Variants in GIT2 observed in about 807,000 individuals in gnomAD.
GIT2 encodes the protein GIT ArfGAP 2.
GIT2 carries 32 observed loss-of-function variants against 100.3 expected under a neutral mutation model. The ratio of observed to expected loss-of-function variants is 0.32; its 90% CI spans 0.24 to 0.43. The LOEUF is 0.43. Among genes scored for constraint, GIT2 ranks in the 20% least tolerant of loss-of-function variants. The pLI is 1.00. For missense variants in GIT2, 737 were observed against 975.1 expected, an observed-to-expected ratio of 0.76 and a Z score of 3.25; for synonymous variants, 353 against 364.1, an observed-to-expected ratio of 0.97 and a Z score of 0.35.
At chr12:109,978,850 C>T (rs1461759034) in intron 7 of GIT2, among the ~76,000 whole-genome samples, 1 of 152,212 alleles carries the variant, frequency 6.6e-6, no homozygotes, top group East Asian at 1.9e-4. Flanking sequence ...GGGTTGGCAT[C>T]TGTTGGCTGC....
At chr12:109,949,690 A>G (rs1357355519) in intron 14 of GIT2, among the ~76,000 whole-genome samples, 1 of 152,238 alleles carries the variant, frequency 6.6e-6, no homozygotes, top group Non-Finnish European at 1.5e-5. Context: ...TTCTCAAAGA[A>G]GCTCAAGACA....
At chr12:109,958,402 C>A (rs1880149907) in intron 12 of GIT2, among the ~76,000 whole-genome samples, 1 of 151,978 alleles carries the variant, frequency 6.6e-6, no homozygotes, top group Non-Finnish European at 1.5e-5. Context: ...CCACCACGCC[C>A]AGCTAATTTT....
At chr12:109,955,320 G>A (rs1405840126) in intron 12 of GIT2, among the ~76,000 whole-genome samples, 1 of 152,052 alleles carries the variant, frequency 6.6e-6, no homozygotes, top group African/African-American at 2.4e-5. Flanking sequence ...TAGAGACGGG[G>A]TTTCACCGTG....
In GIT2 at chr12:109,948,969, C is replaced by A; in HGVS notation, c.1393-1465G>T. On this transcript the variant is annotated intron_variant, in intron 14 of 19. Coordinates refer to ENST00000355312, the MANE Select transcript of GIT2 (RefSeq NM_057169.5). This position sits in a 1 kb window ranked among gnomAD's most constrained non-coding sequence, Gnocchi z 4.3. ...TTGCTAAATAAACAAATTCCATATACTTTATATTAATCATGCCAAACTGCT... is the reference window on the plus strand; with the variant it reads ...TTGCTAAATAAACAAATTCCATATAATTTATATTAATCATGCCAAACTGCT... The A allele has an allele frequency of 1.5e-6, 1 of 660,818 alleles. No homozygotes were observed. The highest frequency in any genetic ancestry group is 2.6e-6 in the Non-Finnish European group (1 of 390,516). 40.9% of individuals were successfully genotyped at this position (660,818 alleles called of 1,614,324 possible). A position where few individuals can be genotyped will look rare whatever the true frequency, so the allele number is the denominator to read the frequency against.
intron 7 of GIT2, among the ~76,000 whole-genome samples, chr12:109,968,731 T>C (rs1434284246): frequency 6.6e-6 from 1 of 151,578 alleles, no homozygotes; most frequent in African/African-American, 2.4e-5. Flanking sequence ...CTTATTTATT[T>C]ATTTTGAGTC....
In GIT2 at chr12:109,983,703, C is replaced by T. The variant is rs200008112; in HGVS notation, c.406-9G>A. ...ACGCTCGAATGGAGTTGCTGAAAAACGCAGAAACAAAAAAGGAATCGTGGT... is the reference window on the plus strand; with the variant it reads ...ACGCTCGAATGGAGTTGCTGAAAAATGCAGAAACAAAAAAGGAATCGTGGT... On this transcript the variant is annotated splice_polypyrimidine_tract_variant and intron_variant, in intron 4 of 19. Coordinates refer to ENST00000355312, the MANE Select transcript of GIT2 (RefSeq NM_057169.5). 137 of 1,595,840 alleles carry T rather than the reference C, an allele frequency of 8.6e-5. No homozygotes were observed. The highest frequency in any genetic ancestry group is 1.8e-4 in the South Asian group (16 of 90,380).
intron 16 of GIT2, chr12:109,943,110 A>T (rs1310603329): frequency 6.6e-6 from 1 of 152,184 alleles, no homozygotes; most frequent in African/African-American, 2.4e-5. Context: ...AATCAGGGTG[A>T]TCAGTTTAAA....
intron 12 of GIT2, among the ~76,000 whole-genome samples, chr12:109,957,523 T>C (rs1210619887): frequency 2.0e-5 from 3 of 151,938 alleles, no homozygotes; most frequent in African/African-American, 7.2e-5. Flanking sequence ...TTTTTTTTTT[T>C]TGAGACGGAG....
rs1338019332 is a variant in GIT2, at chr12:109,988,973, T to A, written c.395A>T (p.Asp132Val). The A allele has an allele frequency of 6.3e-7, 1 of 1,588,114 alleles. No homozygotes were observed. The highest frequency in any genetic ancestry group is 1.1e-5 in the South Asian group (1 of 90,562). ...CRDDDSVTAKDLSKQLHSSVR... is the reference protein window; with the variant it reads ...CRDDDSVTAKVLSKQLHSSVR... ...AAAGGTGTGACCCACCTTGCTAAGA[T>A]CTTTGGCAGTCACACTATCGTCATC... The change falls in exon 4 of 20, where the codon GAT becomes GTT. Residue 132 changes from aspartate (D) to valine (V), a missense_variant. Asp to Val is a radical substitution (Grantham distance 152). Transcript: ENST00000355312.
rs563697361 is a variant in GIT2 at position 109,973,682 on chromosome 12, C to T, written c.719-6179G>A. Among the ~76,000 whole-genome samples, 19 of 151,450 alleles carry T rather than the reference C, an allele frequency of 1.3e-4. No individual in the cohort carries two copies. The South Asian group carries it at 3.8e-3, about 30-fold the overall frequency. Reference sequence around the variant, plus strand: ...ATTTCTGCTCTTTACTATTTGCTGCCTTCTGTTTGGTTCAGGTTTATTTTG... The same window carrying T: ...ATTTCTGCTCTTTACTATTTGCTGCTTTCTGTTTGGTTCAGGTTTATTTTG... On this transcript the variant is annotated intron_variant, in intron 7 of 19. Coordinates refer to ENST00000355312, the MANE Select transcript of GIT2 (RefSeq NM_057169.5).
Position 109,933,816 on chromosome 12 carries a change from G to C in GIT2, c.2067+206C>G. On this transcript the variant is annotated intron_variant, in intron 19 of 19. Transcript: ENST00000355312. The surrounding 1 kb of genome is among the most constrained non-coding windows in gnomAD (Gnocchi z 4.5). ...GGGTCTCTCCATGTTGGTCAGGCTG[G>C]CCTCGAACTCCCGACCTCAGGTGAT... 5.7e-6 allele frequency: 3 copies of C among 528,528 alleles called. No homozygotes were observed. The allele number at this position is 528,528 out of a possible 1,614,324, so 32.7% of individuals were successfully genotyped here.
chr12:109,952,615 A>G, intron 13 of GIT2: 1 of 519,522 alleles, frequency 1.9e-6, no homozygotes, highest in Non-Finnish European at 3.8e-6. Flanking sequence ...ACTCCTCCAC[A>G]TGCCCCAATC....
Position 109,967,363 on chromosome 12 carries a change from G to C in GIT2, c.764+95C>G, listed in dbSNP as rs777509161. ...AGCCATAAAAGAGAAAAATGTATGG[G>C]CTTTGTTAAACACAAAATATAATAT... On this transcript the variant is annotated intron_variant, in intron 8 of 19. Coordinates refer to ENST00000355312, the MANE Select transcript of GIT2 (RefSeq NM_057169.5). The C allele has an allele frequency of 3.2e-6, 5 of 1,577,278 alleles. No homozygotes were observed. In the South Asian group the frequency reaches 3.4e-5, roughly 11 times the overall value.
intron 16 of GIT2, chr12:109,942,873 A>G (rs1875194326): frequency 6.6e-6 from 1 of 152,258 alleles, no homozygotes; most frequent in African/African-American, 2.4e-5. Context: ...CGTTGTCAAC[A>G]AAAGCATATG....
chr12:109,958,698 T>C (rs776622499), intron 12 of GIT2, among the ~76,000 whole-genome samples: 2 of 152,252 alleles, frequency 1.3e-5, no homozygotes, highest in Non-Finnish European at 2.9e-5. Context: ...CAGTTAATGA[T>C]TACTGTCTTT....
Position 109,939,160 on chromosome 12 carries a change from T to G in GIT2, c.1814+5A>C. On this transcript the variant is annotated splice_donor_5th_base_variant and intron_variant, in intron 17 of 19. Transcript: ENST00000355312. ...TCCCCTGGCACGCTCGTCCTGTGCA[T>G]GTACCCCATGCCATCTGGCTCCATG... The G allele has an allele frequency of 6.3e-7, 1 of 1,589,196 alleles. No individual in the cohort carries two copies. The highest frequency in any genetic ancestry group is 8.6e-7 in the Non-Finnish European group (1 of 1,157,600).
chr12:109,986,713 C>A (rs973578454), intron 4 of GIT2, among the ~76,000 whole-genome samples: 3 of 151,850 alleles, frequency 2.0e-5, no homozygotes, highest in African/African-American at 7.3e-5. Flanking sequence ...TGAAGTGAGC[C>A]AAGATTGCGC....
intron 9 of GIT2, among the ~76,000 whole-genome samples, chr12:109,963,263 C>T (rs956304897): frequency 1.3e-5 from 2 of 152,054 alleles, no homozygotes; most frequent in Non-Finnish European, 2.9e-5. Context: ...AATGTGGTCG[C>T]ACTATAATTA....
At chr12:109,967,635 A>G in intron 7 of GIT2, 132 bp from the exon 8 acceptor site, 1 of 682,630 alleles carries the variant, frequency 1.5e-6, no homozygotes, top group Non-Finnish European at 2.6e-6. Context: ...ATGTTGCTAG[A>G]CTAGCTAAAA....
Sources: gnomAD v4.1 joint callset for allele counts (sites outside exome capture counted in the v4.1 genomes callset) on GRCh38, gnomAD v4.1.1 for gene constraint, Gnocchi (gnomAD v3.1) non-coding constraint, MANE v1.5 for transcripts, NCBI Gene and HGNC (gene_info 2026-07-23, HGNC 2026-07-21) for gene names.